The following TENT4A variants were observed in gnomAD, a reference collection of about 807,000 sequenced individuals.
The protein encoded by TENT4A is DNA polymerase kappa.
A neutral mutation model predicts 72.8 loss-of-function variants in TENT4A; 7 were observed. The ratio of observed to expected loss-of-function variants is 0.10; its 90% CI spans 0.05 to 0.18. The LOEUF (loss-of-function observed/expected upper bound fraction) is 0.18. Among genes scored for constraint, TENT4A ranks in the 10% least tolerant of loss-of-function variants. TENT4A has a pLI of 1.00. For missense variants in TENT4A, 831 were observed against 1,017.7 expected (o/e 0.82, Z 2.50); for synonymous variants, 456 against 434.3 (o/e 1.05, Z -0.62).
At chr5:6,748,668 C>T (rs779295789) in intron 8 of TENT4A, 78 bp downstream of exon 8, 26 of 1,429,620 alleles carry the variant, frequency 1.8e-5, no homozygotes, top group Non-Finnish European at 2.5e-5. Context: ...TCATTTACCT[C>T]CATGAAATTT....
chr5:6,739,174 G>A (rs79849430), intron 3 of TENT4A, among the ~76,000 whole-genome samples: 2,857 of 152,308 alleles, frequency 0.019, 36 homozygotes, highest in South Asian at 0.049. Context: ...ATACAAACTA[G>A]TATTTTCTCA....
At chr5:6,727,500 T>C (rs1272696047) in intron 1 of TENT4A, among the ~76,000 whole-genome samples, 1 of 152,212 alleles carries the variant, frequency 6.6e-6, no homozygotes, top group Non-Finnish European at 1.5e-5. Context: ...GGCCTGGTCT[T>C]AGACTCCGCT....
intron 1 of TENT4A, among the ~76,000 whole-genome samples, chr5:6,718,951 C>A (rs1356178661): frequency 6.6e-6 from 1 of 151,682 alleles, no homozygotes; most frequent in African/African-American, 2.4e-5. Context: ...GAATGAGAGG[C>A]CTCCAATCTT....
At chr5:6,720,986 CACTGTGCCTCCT>C in intron 1 of TENT4A, among the ~76,000 whole-genome samples, 1 of 152,308 alleles carries the variant, frequency 6.6e-6, no homozygotes, top group Non-Finnish European at 1.5e-5. Context: ...GGCTTCAGAG[CACTGTGCCTCCT>C]TTAGGAGGCA....
chr5:6,730,332 G>A (rs1322125451), intron 1 of TENT4A, among the ~76,000 whole-genome samples: 1 of 152,200 alleles, frequency 6.6e-6, no homozygotes, highest in Admixed American at 6.5e-5. Flanking sequence ...TTTGCTGAGT[G>A]GAATTCATGT....
intron 12 of TENT4A, among the ~76,000 whole-genome samples, chr5:6,754,133 A>C (rs1057170614): frequency 1.3e-5 from 2 of 152,350 alleles, no homozygotes; most frequent in African/African-American, 4.8e-5. Context: ...TCTTTCTAGA[A>C]GGTCACAGCT....
chr5:6,745,406 C>G (rs143689238), intron 6 of TENT4A, among the ~76,000 whole-genome samples: 4 of 152,144 alleles, frequency 2.6e-5, no homozygotes, highest in Non-Finnish European at 5.9e-5. Context: ...TGGCACTGTC[C>G]GATAGAATTC....
chr5:6,714,488 C>T lies in TENT4A; in HGVS notation c.505C>T (p.Pro169Ser). ...TGGCACAGCCAACGGGCACCCCGGG[C>T]CGCGCGGCCCCGCGCCCGCCGGCTC... is the stretch of plus-strand genomic sequence containing the variant. ...APGTANGHPG[P>S]RGPAPAGSPS... Residue 169 changes from proline (P) to serine (S), a missense_variant, in exon 1 of 13, where the codon CCG becomes TCG. Coordinates refer to ENST00000230859, the MANE Select transcript of TENT4A (RefSeq NM_006999.6). 8 of 1,184,472 alleles carry T rather than the reference C, an allele frequency of 6.8e-6. No homozygotes were observed. The highest frequency in any genetic ancestry group is 8.4e-6 in the Non-Finnish European group (8 of 957,568). 73.4% of individuals were successfully genotyped at this position (1,184,472 alleles called of 1,614,324 possible).
At chr5:6,743,601 G>A (rs1278063033) in intron 5 of TENT4A, 111 bp from the exon 6 acceptor site, 2 of 836,214 alleles carry the variant, frequency 2.4e-6, no homozygotes, top group Non-Finnish European at 3.7e-6. Flanking sequence ...GCCTTCAGAT[G>A]GGCAAGAGGA....
chr5:6,737,020 G>C (rs1047627204), intron 1 of TENT4A, among the ~76,000 whole-genome samples: 2 of 152,212 alleles, frequency 1.3e-5, no homozygotes, highest in African/African-American at 4.8e-5. Flanking sequence ...GGACTCATAC[G>C]TCTTTTTCCT....
chr5:6,714,348 G>T lies in TENT4A; in HGVS notation c.365G>T (p.Gly122Val). 1 of 1,137,070 alleles carries T rather than the reference G, an allele frequency of 8.8e-7. No individual in the cohort carries two copies. The highest frequency in any genetic ancestry group is 1.1e-6 in the Non-Finnish European group (1 of 927,642). The allele number at this position is 1,137,070 out of a possible 1,614,324, so 70.4% of individuals were successfully genotyped here. A position where few individuals can be genotyped will look rare whatever the true frequency, so the allele number is the denominator to read the frequency against. Residue 122 changes from glycine to valine, a missense_variant, in exon 1 of 13, where the codon GGC becomes GTC. Gly to Val is a moderately radical substitution (Grantham distance 109). Transcript: ENST00000230859. ...SSSSSSNAES[G>V]TESPGCSSSS... Reference sequence around the variant, plus strand: ...TCCTCCTCGTCCAACGCGGAGTCGGGCACCGAGAGCCCCGGCTGCTCGTCG... The same window carrying T: ...TCCTCCTCGTCCAACGCGGAGTCGGTCACCGAGAGCCCCGGCTGCTCGTCG...
At position 6,743,724 on chromosome 5, in the gene TENT4A, C is replaced by A; in HGVS notation, c.1129C>A (p.Leu377Met). 6.2e-7 allele frequency: 1 copy of A among 1,607,964 alleles called. No individual in the cohort carries two copies. The highest frequency in any genetic ancestry group is 1.1e-5 in the South Asian group (1 of 90,238). ...TTGGAATTTACAGAAATATTCATTG[C>A]TGCCTTACTTGATTTTAGTATTGAA... ...IKNYMKKYSLLPYLILVLKQF... is the reference protein window; with the variant it reads ...IKNYMKKYSLMPYLILVLKQF... The change falls in exon 6 of 13, where the codon CTG (leucine) becomes ATG (methionine). Residue 377 changes from leucine to methionine, a missense_variant. By Grantham distance (15) the Leu-to-Met change is conservative (BLOSUM62 2). Transcript: ENST00000230859.
chr5:6,747,590 A>G (rs1742174077), intron 7 of TENT4A, among the ~76,000 whole-genome samples: 1 of 152,190 alleles, frequency 6.6e-6, no homozygotes, highest in Non-Finnish European at 1.5e-5. Context: ...TTTTCTTGGT[A>G]GCACGGTATG....
intron 4 of TENT4A, among the ~76,000 whole-genome samples, chr5:6,741,008 C>CTG (rs1227542060): frequency 6.6e-6 from 1 of 152,142 alleles, no homozygotes; most frequent in Admixed American, 6.5e-5. Context: ...TGCTGCTCCT[C>CTG]TGTGTGTGCC....
intron 1 of TENT4A, among the ~76,000 whole-genome samples, chr5:6,733,996 A>G (rs1055818315): frequency 1.3e-5 from 2 of 152,268 alleles, no homozygotes; most frequent in African/African-American, 4.8e-5. Flanking sequence ...AAATATTTTC[A>G]GAATGTTAAT....
At chr5:6,724,844 C>A (rs1740829713) in intron 1 of TENT4A, among the ~76,000 whole-genome samples, 1 of 152,142 alleles carries the variant, frequency 6.6e-6, no homozygotes. Context: ...AGCCCTCACC[C>A]TTTATACAGT....
At chr5:6,750,550 T>A (rs760495827) in intron 10 of TENT4A, 47 bp downstream of exon 10, 1 of 1,476,780 alleles carries the variant, frequency 6.8e-7, no homozygotes, top group Non-Finnish European at 9.1e-7. Flanking sequence ...AGTTTGTGTC[T>A]CTGGTAAATG....
At chr5:6,723,399 C>CAT (rs10649547) in intron 1 of TENT4A, among the ~76,000 whole-genome samples, 89,609 of 151,528 alleles carry the variant, frequency 0.59, 27,197 homozygotes, top group Middle Eastern at 0.67. Flanking sequence ...CATTGTGGCT[C>CAT]GTGTGTGGGG....
intron 1 of TENT4A, among the ~76,000 whole-genome samples, chr5:6,721,152 G>T (rs1164476347): frequency 6.6e-6 from 1 of 152,136 alleles, no homozygotes; most frequent in Non-Finnish European, 1.5e-5. Context: ...ATTGTAGCCC[G>T]CATTCTTAGT....
Sources: allele counts gnomAD v4.1 joint callset (sites outside exome capture counted in the v4.1 genomes callset), GRCh38; gene constraint gnomAD v4.1.1; transcripts MANE v1.5; gene names NCBI Gene and HGNC (gene_info 2026-07-23, HGNC 2026-07-21).